FGD6: variants seen among roughly 807,000 people sequenced by gnomAD.
The protein encoded by FGD6 is FYVE, RhoGEF and PH domain-containing protein 6.
FGD6 carries 90 observed loss-of-function variants against 149.4 expected under a neutral mutation model. The observed-to-expected ratio is 0.60, with a 90% CI of 0.51 to 0.72. The LOEUF (loss-of-function observed/expected upper bound fraction) is 0.72. Among genes scored for constraint, FGD6 ranks in the 30% least tolerant of loss-of-function variants. The pLI is 0.00. For synonymous variants in FGD6, 527 were observed against 584.0 expected (o/e 0.90, Z 1.41); for missense variants, 1,437 against 1,684.8 (o/e 0.85, Z 2.57).
intron 5 of FGD6, among the ~76,000 whole-genome samples, chr12:95,150,670 G>A (rs369538524): frequency 5.9e-5 from 9 of 151,976 alleles, no homozygotes; most frequent in South Asian, 4.2e-4. Flanking sequence ...GAGTGCAGTG[G>A]TGCAATCAGC....
intron 7 of FGD6, 136 bp downstream of exon 7, chr12:95,137,386 C>G (rs1879698240): frequency 1.5e-6 from 1 of 687,444 alleles, no homozygotes; most frequent in Non-Finnish European, 2.2e-6. Context: ...TGTTCAATTC[C>G]ATCTTTGATT....
At chr12:95,122,295 C>A (rs1005714524) in intron 8 of FGD6, among the ~76,000 whole-genome samples, 2 of 152,094 alleles carry the variant, frequency 1.3e-5, no homozygotes, top group African/African-American at 4.8e-5. Flanking sequence ...AAAACTGTGG[C>A]CTTCCTGAGG....
intron 2 of FGD6, among the ~76,000 whole-genome samples, chr12:95,207,122 C>T (rs1236620387): frequency 4.6e-5 from 7 of 151,802 alleles, no homozygotes; most frequent in Non-Finnish European, 8.8e-5. Context: ...AATTTAATCA[C>T]GGGGGCGGTT....
intron 5 of FGD6, among the ~76,000 whole-genome samples, chr12:95,146,844 C>G (rs1276887321): frequency 6.6e-6 from 1 of 151,664 alleles, no homozygotes; most frequent in African/African-American, 2.4e-5. Flanking sequence ...ACCAGCTTGG[C>G]CAGCTCGAAT....
At chr12:95,092,613 G>T in intron 16 of FGD6, 86 bp downstream of exon 16, 2 of 1,355,896 alleles carry the variant, frequency 1.5e-6, no homozygotes, top group Non-Finnish European at 2.0e-6. Context: ...AACTATAATG[G>T]TTTATGAGGG....
At chr12:95,211,976 G>A (rs977470359) in intron 1 of FGD6, among the ~76,000 whole-genome samples, 1 of 152,116 alleles carries the variant, frequency 6.6e-6, no homozygotes, top group Non-Finnish European at 1.5e-5. Flanking sequence ...TTAAACTTCA[G>A]ATCAATGATC....
intron 2 of FGD6, among the ~76,000 whole-genome samples, chr12:95,196,219 T>C (rs1043973773): frequency 1.3e-5 from 2 of 152,228 alleles, no homozygotes; most frequent in African/African-American, 4.8e-5. Context: ...TCAGTTTGGC[T>C]CTACAGAAGC....
intron 8 of FGD6, among the ~76,000 whole-genome samples, chr12:95,128,481 T>A (rs921744537): frequency 6.6e-6 from 1 of 152,116 alleles, no homozygotes; most frequent in Non-Finnish European, 1.5e-5. Flanking sequence ...GCTCAAGCGA[T>A]CCTCCCAACT....
chr12:95,184,771 T>C (rs1484103568), intron 2 of FGD6, among the ~76,000 whole-genome samples: 1 of 151,836 alleles, frequency 6.6e-6, no homozygotes, highest in East Asian at 1.9e-4. Context: ...TTAGTGGAGA[T>C]GGGGTTTCGC....
intron 5 of FGD6, among the ~76,000 whole-genome samples, chr12:95,146,562 A>T (rs1007791891): frequency 1.8e-4 from 27 of 152,198 alleles, no homozygotes; most frequent in African/African-American, 4.8e-4. Context: ...TGAAAATGTT[A>T]GTTAGCTATA....
chr12:95,077,814 AG>A lies in FGD6; in HGVS notation c.*3705del, dbSNP rs1376459624. The stretch of plus-strand genomic sequence containing the variant: ...TCAAATGGTATCTTTCTCTTACAGA[AG>A]AAAATAAACAGATTTGAATGGGAAG... On this transcript the variant is annotated 3_prime_UTR_variant, in exon 21 of 21. Coordinates refer to ENST00000343958, the MANE Select transcript of FGD6 (RefSeq NM_018351.4). 6.6e-6 allele frequency: 1 copy of A among 152,222 alleles called. No homozygotes were observed. Among genetic ancestry groups the A allele is most frequent in the Non-Finnish European group, 1.5e-5 (1 of 68,038 alleles). The allele number at this position is 152,222 out of a possible 1,614,324, so 9.4% of individuals were successfully genotyped here.
Position 95,209,469 on chromosome 12 carries a change from C to T in FGD6, c.1815G>A (p.Ser605=), listed in dbSNP as rs114296376. ...ACTTTTCCACATCCATAGCAGATAACGATTTTGCTCTGGGCTTGGTTAGGG... is the reference window on the plus strand; with the variant it reads ...ACTTTTCCACATCCATAGCAGATAATGATTTTGCTCTGGGCTTGGTTAGGG... The part of the protein sequence containing the change: ...STALTKPRAK[S]LSAMDVEKCT... The change falls in exon 2 of 21, where the codon TCG becomes TCA. Residue 605 remains serine (S), a synonymous_variant. Coordinates refer to ENST00000343958, the MANE Select transcript of FGD6 (RefSeq NM_018351.4). 1.1e-3 allele frequency: 1,742 copies of T among 1,611,566 alleles called. 15 individuals are homozygous for T. In the African/African-American group the frequency reaches 0.017, roughly 16 times the overall value.
At chr12:95,103,495 C>T (rs2136239263) in intron 14 of FGD6, among the ~76,000 whole-genome samples, 1 of 152,274 alleles carries the variant, frequency 6.6e-6, no homozygotes, top group East Asian at 1.9e-4. Context: ...CGGTCTGGGG[C>T]AAGGTGGTAT....
chr12:95,193,124 A>T (rs1881637930), intron 2 of FGD6, among the ~76,000 whole-genome samples: 1 of 152,210 alleles, frequency 6.6e-6, no homozygotes. Context: ...TGCAATTCCC[A>T]CACAACCCCT....
At chr12:95,201,849 C>T (rs978498207) in intron 2 of FGD6, among the ~76,000 whole-genome samples, 5 of 151,876 alleles carry the variant, frequency 3.3e-5, no homozygotes, top group African/African-American at 1.2e-4. Flanking sequence ...GAAAACACAG[C>T]AATGGAAAAC....
chr12:95,182,423 A>G (rs1881311691), intron 2 of FGD6, among the ~76,000 whole-genome samples: 1 of 151,860 alleles, frequency 6.6e-6, no homozygotes, highest in African/African-American at 2.4e-5. Flanking sequence ...CTGGTGTCGG[A>G]CTCCTGACCT....
intron 15 of FGD6, 80 bp from the exon 16 acceptor site, chr12:95,092,925 A>C: frequency 1.3e-6 from 2 of 1,482,286 alleles, no homozygotes; most frequent in East Asian, 2.5e-5. Flanking sequence ...TCACACTACC[A>C]AGATGGGGAT....
chr12:95,141,507 C>G lies in FGD6; in HGVS notation c.2718G>C (p.Arg906Ser), dbSNP rs370695011. The change falls in exon 6 of 21, where the codon AGG becomes AGC. Residue 906 changes from arginine (R) to serine (S), a missense_variant. Coordinates refer to ENST00000343958, the MANE Select transcript of FGD6 (RefSeq NM_018351.4). ...DFRDAVAHAS[R>S]QLGKPVIEDR... Reference sequence around the variant, plus strand: ...CCTCAATCACTGGTTTCCCAAGTTGCCTGGAAGCATGAGCTACTGCATCCC... The same window carrying G: ...CCTCAATCACTGGTTTCCCAAGTTGGCTGGAAGCATGAGCTACTGCATCCC... 10 of 1,613,940 alleles carry G rather than the reference C, an allele frequency of 6.2e-6. No individual in the cohort carries two copies. Among genetic ancestry groups the G allele is most frequent in the South Asian group, 2.2e-5 (2 of 91,078 alleles).
At chr12:95,176,635 A>G (rs1881141182) in intron 2 of FGD6, among the ~76,000 whole-genome samples, 1 of 152,142 alleles carries the variant, frequency 6.6e-6, no homozygotes, top group Admixed American at 6.5e-5. Flanking sequence ...CCACATGCTA[A>G]CATCTACACA....
Sources: gnomAD v4.1 joint callset for allele counts (sites outside exome capture counted in the v4.1 genomes callset) on GRCh38, gnomAD v4.1.1 for gene constraint, MANE v1.5 for transcripts, NCBI Gene and HGNC (gene_info 2026-07-23, HGNC 2026-07-21) for gene names.